The following TLL2 variants were observed in gnomAD, a reference collection of about 807,000 sequenced individuals.
TLL2 encodes tolloid-like protein 2.
A neutral mutation model predicts 123.0 loss-of-function variants in TLL2; 106 were observed. That is an observed-to-expected ratio of 0.86 (90% confidence interval 0.74 to 1.01). The LOEUF is 1.01. Among genes scored for constraint, TLL2 ranks in the 50% least tolerant of loss-of-function variants. The probability of loss-of-function intolerance (pLI) is 0.00; values close to 1 mark genes in which losing one functional copy is unlikely to be tolerated. For synonymous variants in TLL2, 494 were observed against 516.8 expected (o/e 0.96, Z 0.60); for missense variants, 1,332 against 1,336.7 (o/e 1.00, Z 0.06).
chr10:96,442,058 A>T (rs1208499789), intron 3 of TLL2, among the ~76,000 whole-genome samples: 1 of 152,004 alleles, frequency 6.6e-6, no homozygotes, highest in Non-Finnish European at 1.5e-5. Context: ...GCAGTTGCAC[A>T]CTCCATTTCA....
intron 2 of TLL2, among the ~76,000 whole-genome samples, chr10:96,455,859 T>C (rs889186654): frequency 2.6e-5 from 4 of 152,362 alleles, no homozygotes; most frequent in African/African-American, 9.6e-5. Context: ...TTCTTTCTTG[T>C]GCAAGATCCA....
intron 1 of TLL2, among the ~76,000 whole-genome samples, chr10:96,482,836 T>C (rs1204375737): frequency 6.6e-6 from 1 of 152,146 alleles, no homozygotes; most frequent in African/African-American, 2.4e-5. Flanking sequence ...AGATGTCTGT[T>C]AAAGAAAAAA....
chr10:96,376,740 C>T lies in TLL2; in HGVS notation c.2400G>A (p.Arg800=), dbSNP rs768021885. The change falls in exon 18 of 21, where the codon AGG becomes AGA. Residue 800 remains arginine, a synonymous_variant. Transcript: ENST00000357947. ...TCGAAGAGATGTTCCAGGTACACTC[C>T]CTCCGGCTGGGGTATTTGTCAGGCC... ...PNWPDKYPSR[R]ECTWNISSTA... The T allele has an allele frequency of 6.2e-7, 1 of 1,607,264 alleles. No homozygotes were observed.
At chr10:96,462,174 C>G (rs1052941210) in intron 2 of TLL2, among the ~76,000 whole-genome samples, 1 of 152,190 alleles carries the variant, frequency 6.6e-6, no homozygotes, top group Non-Finnish European at 1.5e-5. Flanking sequence ...GAGACTGAGG[C>G]TCAATGAGGT....
chr10:96,378,898 A>G, intron 17 of TLL2, 69 bp downstream of exon 17: 1 of 1,593,408 alleles, frequency 6.3e-7, no homozygotes, highest in Non-Finnish European at 8.6e-7. Context: ...ACTCATGCAC[A>G]TGCACACAGG....
At chr10:96,483,735 A>C (rs1450939150) in intron 1 of TLL2, among the ~76,000 whole-genome samples, 1 of 152,088 alleles carries the variant, frequency 6.6e-6, no homozygotes, top group Non-Finnish European at 1.5e-5. Context: ...ACAAGAGGGG[A>C]GGAGGCCTGT....
chr10:96,478,422 C>T (rs184623381), intron 2 of TLL2, among the ~76,000 whole-genome samples: 2 of 152,328 alleles, frequency 1.3e-5, no homozygotes, highest in East Asian at 1.9e-4. Flanking sequence ...GAGAACTCTA[C>T]GACAGTACCT....
chr10:96,386,743 G>A (rs187698501), intron 14 of TLL2, among the ~76,000 whole-genome samples: 1 of 152,278 alleles, frequency 6.6e-6, no homozygotes, highest in African/African-American at 2.4e-5. Context: ...TCAGTCTCTA[G>A]GGCAGAGTCT....
At chr10:96,373,263 T>C in intron 19 of TLL2, 1 of 290,304 alleles carries the variant, frequency 3.4e-6, no homozygotes, top group Non-Finnish European at 6.7e-6. Flanking sequence ...TGCCTCAGCC[T>C]CCTGAGTAGC....
chr10:96,460,680 A>C (rs1847072966), intron 2 of TLL2, among the ~76,000 whole-genome samples: 1 of 152,130 alleles, frequency 6.6e-6, no homozygotes, highest in Admixed American at 6.5e-5. Flanking sequence ...CTTCCTTGTA[A>C]GTTTCCTGAG....
At chr10:96,396,709 CCCTCTACTCAGCCA>C (rs1379023486) in intron 11 of TLL2, among the ~76,000 whole-genome samples, 3 of 151,320 alleles carry the variant, frequency 2.0e-5, no homozygotes, top group Non-Finnish European at 4.4e-5. Context: ...CCTATTGGTT[CCCTCTACTCAGCCA>C]CCAGGGTAGC....
At chr10:96,483,099 A>G (rs1847326583) in intron 1 of TLL2, among the ~76,000 whole-genome samples, 5 of 152,250 alleles carry the variant, frequency 3.3e-5, no homozygotes, top group Admixed American at 3.3e-4. Flanking sequence ...GGACCAAAAA[A>G]AGTCATTAGC....
rs1391742714 is a variant in TLL2 at position 96,366,639 on chromosome 10, A to G, written c.*1449T>C. On this transcript the variant is annotated 3_prime_UTR_variant, in exon 21 of 21. Transcript: ENST00000357947. ...ATATAACCTTTCACCTTTTACATAT[A>G]CTTTGTTTAAAATGATGCTGATTCA... 6.6e-6 allele frequency: 1 copy of G among 152,436 alleles called. No homozygotes were observed. Among genetic ancestry groups the G allele is most frequent in the Non-Finnish European group, 1.5e-5 (1 of 68,026 alleles). The allele number at this position is 152,436 out of a possible 1,614,324, so 9.4% of individuals were successfully genotyped here.
At chr10:96,377,939 G>A (rs1589405411) in intron 17 of TLL2, among the ~76,000 whole-genome samples, 1 of 152,202 alleles carries the variant, frequency 6.6e-6, no homozygotes, top group African/African-American at 2.4e-5. Flanking sequence ...GAGAGTTGAC[G>A]TCACTCCTGT....
At chr10:96,470,507 G>C (rs1157242602) in intron 2 of TLL2, among the ~76,000 whole-genome samples, 1 of 152,214 alleles carries the variant, frequency 6.6e-6, no homozygotes, top group Non-Finnish European at 1.5e-5. Context: ...ATAGCAGGCA[G>C]GATGAGGTTT....
rs933642018 is a variant in TLL2 at position 96,368,326 on chromosome 10, T to C, written c.2914-104A>G. On this transcript the variant is annotated intron_variant, in intron 20 of 20. Transcript: ENST00000357947. ...TATGCAAGGACACAGGATGTGTCTC[T>C]GGTACCAGAGACTCTGAAGGGCATC... 14 of 1,389,458 alleles carry C rather than the reference T, an allele frequency of 1.0e-5. No individual in the cohort carries two copies. In the Admixed American group the frequency reaches 2.3e-4, roughly 23 times the overall value. 86.1% of individuals were successfully genotyped at this position (1,389,458 alleles called of 1,614,324 possible). A position where few individuals can be genotyped will look rare whatever the true frequency, so the allele number is the denominator to read the frequency against.
chr10:96,409,773 ATTCCCTG>A (rs1446373059), intron 9 of TLL2, among the ~76,000 whole-genome samples: 1 of 152,174 alleles, frequency 6.6e-6, no homozygotes, highest in Non-Finnish European at 1.5e-5. Flanking sequence ...GAATCCAGGA[ATTCCCTG>A]TCCACACAGC....
At position 96,432,974 on chromosome 10, in the gene TLL2, T is replaced by A. The variant is rs1846760343; in HGVS notation, c.365-12A>T. On this transcript the variant is annotated splice_polypyrimidine_tract_variant and intron_variant, in intron 3 of 20. Transcript: ENST00000357947. ...ATTCTCCCGGCCATCTGCAACACAG[T>A]CAGGTTAATATTGATTTTGCCCTTT... 1.2e-6 allele frequency: 2 copies of A among 1,611,312 alleles called. No individual in the cohort carries two copies. Among genetic ancestry groups the A allele is most frequent in the Non-Finnish European group, 1.7e-6 (2 of 1,178,318 alleles).
intron 2 of TLL2, among the ~76,000 whole-genome samples, chr10:96,466,800 T>C (rs1427702444): frequency 6.6e-6 from 1 of 152,180 alleles, no homozygotes. Flanking sequence ...TAATCAGTAA[T>C]GTATGCAGCA....
Sources: gnomAD v4.1 joint callset for allele counts (sites outside exome capture counted in the v4.1 genomes callset) on GRCh38, gnomAD v4.1.1 for gene constraint, MANE v1.5 for transcripts, NCBI Gene and HGNC (gene_info 2026-07-23, HGNC 2026-07-21) for gene names.